Variants in SLC24A2 observed in about 807,000 individuals in gnomAD.
SLC24A2 encodes solute carrier family 24 member 2.
In SLC24A2, 36 loss-of-function variants were observed where a neutral mutation model predicts 62.0. That is an observed-to-expected ratio of 0.58 (90% CI 0.44 to 0.77). The LOEUF (loss-of-function observed/expected upper bound fraction) is 0.77, where lower values mean the gene tolerates loss of function less well. Ranked by LOEUF, SLC24A2 falls within the 30% of genes least tolerant of loss-of-function variation. The pLI is 0.00. For missense variants in SLC24A2, 846 were observed against 817.9 expected (o/e 1.03, Z -0.42); for synonymous variants, 358 against 294.0 (o/e 1.22, Z -2.23).
chr9:20,035,111 T>C, the SLC24A2 span, among the ~76,000 whole-genome samples: 1 of 152,164 alleles, frequency 6.6e-6, no homozygotes, highest in Non-Finnish European at 1.5e-5. Context: ...TGTGGTAGAA[T>C]TTTGAAGACT....
the SLC24A2 span, among the ~76,000 whole-genome samples, chr9:19,950,053 G>A: frequency 5.3e-5 from 8 of 152,178 alleles, no homozygotes; most frequent in Admixed American, 1.3e-4. Flanking sequence ...GGAAGTTGAC[G>A]AGCATGGGTA....
At chr9:19,857,900 T>C in the SLC24A2 span, among the ~76,000 whole-genome samples, 1 of 152,178 alleles carries the variant, frequency 6.6e-6, no homozygotes, top group African/African-American at 2.4e-5. Flanking sequence ...TAGAACCTCC[T>C]GTATAACATT....
chr9:19,972,789 C>A, the SLC24A2 span, among the ~76,000 whole-genome samples: 19 of 152,252 alleles, frequency 1.2e-4, no homozygotes, highest in African/African-American at 4.3e-4. Flanking sequence ...AAGTACTATT[C>A]TATACCATGG....
At chr9:19,675,164 G>C (rs1268680772) in intron 2 of SLC24A2, among the ~76,000 whole-genome samples, 1 of 152,118 alleles carries the variant, frequency 6.6e-6, no homozygotes, top group Non-Finnish European at 1.5e-5. Flanking sequence ...ACTGGGCTCT[G>C]GGCTGGTACT....
At chr9:19,663,482 C>A (rs549525588) in intron 2 of SLC24A2, among the ~76,000 whole-genome samples, 8 of 152,304 alleles carry the variant, frequency 5.3e-5, no homozygotes, top group Non-Finnish European at 8.8e-5. Flanking sequence ...AATCTGTCAA[C>A]TGTGAACGGT....
the SLC24A2 span, among the ~76,000 whole-genome samples, chr9:20,229,852 T>G: frequency 6.6e-6 from 1 of 151,956 alleles, no homozygotes; most frequent in Non-Finnish European, 1.5e-5. Flanking sequence ...CATTTAGCAT[T>G]AGGTATATGT....
chr9:20,268,345 C>T, the SLC24A2 span, among the ~76,000 whole-genome samples: 8 of 152,326 alleles, frequency 5.3e-5, no homozygotes, highest in South Asian at 1.7e-3. Flanking sequence ...TGAAACCTAA[C>T]TCCCAACATG....
rs188892584 is a variant in SLC24A2 at position 19,723,717 on chromosome 9, G to A, written c.930+62220C>T. Among the ~76,000 whole-genome samples the A allele has an allele frequency of 7.6e-4, 115 of 151,926 alleles. 1 individual carries two copies. The highest frequency in any genetic ancestry group is 1.5e-4 in the Non-Finnish European group (10 of 67,924). On this transcript the variant is annotated intron_variant, in intron 2 of 10. Coordinates refer to ENST00000341998, the MANE Select transcript of SLC24A2 (RefSeq NM_020344.4). ...AATTCTTCTTGAAATCTAATTTCAG[G>A]AGAATTTCTAGTAATAATTAATAAT...
the SLC24A2 span, among the ~76,000 whole-genome samples, chr9:20,176,562 C>T: frequency 2.0e-5 from 3 of 152,062 alleles, no homozygotes; most frequent in South Asian, 2.1e-4. Flanking sequence ...CTGGAAACAG[C>T]AATGGCTGGA....
At chr9:20,158,518 A>T in the SLC24A2 span, among the ~76,000 whole-genome samples, 1 of 151,652 alleles carries the variant, frequency 6.6e-6, no homozygotes, top group Non-Finnish European at 1.5e-5. Context: ...ATCAGACATC[A>T]AACTTGCAAC....
intron 9 of SLC24A2, among the ~76,000 whole-genome samples, chr9:19,522,662 T>C (rs962838745): frequency 3.9e-5 from 6 of 152,182 alleles, no homozygotes; most frequent in African/African-American, 9.6e-5. Context: ...GTAAGTTCCA[T>C]GTATGCAGGA....
At chr9:20,193,225 TTTGAAATAAAG>T in the SLC24A2 span, among the ~76,000 whole-genome samples, 1 of 152,082 alleles carries the variant, frequency 6.6e-6, no homozygotes, top group African/African-American at 2.4e-5. Flanking sequence ...AAGGAATGGG[TTTGAAATAAAG>T]TACAAACTGG....
At chr9:20,091,049 T>C in the SLC24A2 span, among the ~76,000 whole-genome samples, 1 of 149,364 alleles carries the variant, frequency 6.7e-6, no homozygotes, top group Non-Finnish European at 1.5e-5. Context: ...CACAAGAATT[T>C]CACAATACAA....
At chr9:19,627,422 T>C (rs1818061442) in intron 2 of SLC24A2, among the ~76,000 whole-genome samples, 2 of 152,198 alleles carry the variant, frequency 1.3e-5, no homozygotes, top group South Asian at 2.1e-4. Flanking sequence ...ATTTGGAATA[T>C]GGAATACTCA....
At chr9:19,838,150 G>A in the SLC24A2 span, among the ~76,000 whole-genome samples, 7 of 152,042 alleles carry the variant, frequency 4.6e-5, no homozygotes, top group East Asian at 3.9e-4. Flanking sequence ...GAGGCATCAC[G>A]CTACCTGACT....
chr9:19,627,248 A>T (rs1471961928), intron 2 of SLC24A2, among the ~76,000 whole-genome samples: 1 of 152,222 alleles, frequency 6.6e-6, no homozygotes, highest in Non-Finnish European at 1.5e-5. Flanking sequence ...AAGTGCGGTA[A>T]TGAAAGCTCA....
chr9:20,195,852 T>G, the SLC24A2 span, among the ~76,000 whole-genome samples: 1,012 of 151,714 alleles, frequency 6.7e-3, 9 homozygotes, highest in East Asian at 0.042. Flanking sequence ...AAAAAAAAAT[T>G]TTTTAACTTA....
chr9:19,955,575 G>A, the SLC24A2 span, among the ~76,000 whole-genome samples: 2 of 151,872 alleles, frequency 1.3e-5, no homozygotes, highest in Admixed American at 6.6e-5. Context: ...AGGTATTTGA[G>A]GCAGTGTTCA....
At chr9:19,947,856 T>C in the SLC24A2 span, among the ~76,000 whole-genome samples, 1 of 118,426 alleles carries the variant, frequency 8.4e-6, no homozygotes, top group Admixed American at 7.8e-5. Flanking sequence ...AAGAAATTAG[T>C]TCAATGTATT....
Sources: allele counts gnomAD v4.1 joint callset (sites outside exome capture counted in the v4.1 genomes callset), GRCh38; gene constraint gnomAD v4.1.1; transcripts MANE v1.5; gene names NCBI Gene and HGNC (gene_info 2026-07-23, HGNC 2026-07-21).